MLH3: variants seen among roughly 807,000 people sequenced by gnomAD.
The protein encoded by MLH3 is DNA mismatch repair protein Mlh3.
Under a neutral mutation model 122.2 loss-of-function variants are expected in MLH3, and 82 were observed. That is an observed-to-expected ratio of 0.67 (90% CI 0.56 to 0.81). The LOEUF is 0.81. MLH3 is among the 30% of genes least tolerant of loss of function. The pLI is 0.00. For synonymous variants in MLH3, 524 were observed against 599.5 expected (o/e 0.87, Z 1.84); for missense variants, 1,539 against 1,714.5 (o/e 0.90, Z 1.81).
intron 2 of MLH3, among the ~76,000 whole-genome samples, chr14:75,042,855 A>G (rs1891961591): frequency 6.6e-6 from 1 of 150,668 alleles, no homozygotes; most frequent in African/African-American, 2.4e-5. Flanking sequence ...GGCTTACTGC[A>G]ACTTCCGCCT....
intron 12 of MLH3, 149 bp from the exon 13 acceptor site, chr14:75,017,350 A>C (rs1595019724): frequency 2.8e-6 from 2 of 715,914 alleles, no homozygotes; most frequent in East Asian, 6.3e-5. Flanking sequence ...CAGCCTGGCC[A>C]ATATGGTGAA....
At chr14:75,050,548 C>G (rs1007848249) in intron 1 of MLH3, among the ~76,000 whole-genome samples, 2 of 152,038 alleles carry the variant, frequency 1.3e-5, no homozygotes, top group Non-Finnish European at 2.9e-5. Flanking sequence ...TACAGGCGCT[C>G]GCCACCATGC....
At chr14:75,033,282 G>T in intron 7 of MLH3, 137 bp downstream of exon 7, 1 of 733,054 alleles carries the variant, frequency 1.4e-6, no homozygotes, top group Non-Finnish European at 2.4e-6. Context: ...AGGCCAAACT[G>T]CAGGACTTTA....
In MLH3 at chr14:75,018,862, T is replaced by C. The variant is rs1890075663; in HGVS notation, c.4209A>G (p.Leu1403=). The C allele has an allele frequency of 6.2e-7, 1 of 1,614,216 alleles. No individual in the cohort carries two copies. Among genetic ancestry groups the C allele is most frequent in the Non-Finnish European group, 8.5e-7 (1 of 1,180,036 alleles). Residue 1403 remains leucine, a synonymous_variant, in exon 12 of 13, where the codon TTA becomes TTG. Transcript: ENST00000355774. Reference sequence around the variant, plus strand: ...CCTGTTCCAAGTGGTCTATGTCAGCTAACGGCAGCATAGAAGGTCTCCCGT... The same window carrying C: ...CCTGTTCCAAGTGGTCTATGTCAGCCAACGGCAGCATAGAAGGTCTCCCGT... ...CAHGRPSMLP[L]ADIDHLEQEK... is the part of the protein sequence containing the mutation.
intron 2 of MLH3, among the ~76,000 whole-genome samples, chr14:75,045,095 C>T (rs1404968216): frequency 6.6e-6 from 1 of 152,148 alleles, no homozygotes; most frequent in Non-Finnish European, 1.5e-5. Context: ...TTTGGGAGGC[C>T]GAGGCAGGTG....
chr14:75,020,009 T>C (rs568096980), intron 11 of MLH3, among the ~76,000 whole-genome samples: 44 of 152,300 alleles, frequency 2.9e-4, no homozygotes, highest in African/African-American at 1.1e-3. Flanking sequence ...TTTAGGAGCT[T>C]AAGGAAGGCT....
chr14:75,046,453 A>T lies in MLH3; in HGVS notation c.3203T>A (p.Ile1068Asn). Reference protein sequence around the residue: ...VNKMTGLSTFIAPTEDIQAAC... With the variant: ...VNKMTGLSTFNAPTEDIQAAC... ...AGCCTGAATGTCCTCAGTTGGGGCA[A>T]TGAATGTGCTGAGTCCAGTCATTTT... Residue 1068 changes from isoleucine to asparagine, a missense_variant, in exon 2 of 13, where the codon ATT becomes AAT. Physicochemically the swap from Ile to Asn is moderately radical, Grantham distance 149. Transcript: ENST00000355774. 1 of 1,614,192 alleles carries T rather than the reference A, an allele frequency of 6.2e-7. No homozygotes were observed. The highest frequency in any genetic ancestry group is 8.5e-7 in the Non-Finnish European group (1 of 1,180,024).
At position 75,047,987 on chromosome 14, in the gene MLH3, C is replaced by T. The variant is rs1347649293; in HGVS notation, c.1669G>A (p.Ala557Thr). ...AGAGGCTGGCATCCCACTTCAGTAG[C>T]ATCTTTAAATCTCTTTGGTTGATTC... The part of the protein sequence containing the change: ...IQNQPKRFKD[A>T]TEVGCQPLPF... Residue 557 changes from alanine (A) to threonine (T), a missense_variant, in exon 2 of 13, where the codon GCT becomes ACT. Physicochemically the swap from Ala to Thr is moderately conservative, Grantham distance 58. Coordinates refer to ENST00000355774, the MANE Select transcript of MLH3 (RefSeq NM_001040108.2). 14 of 1,614,020 alleles carry T rather than the reference C, an allele frequency of 8.7e-6. No individual in the cohort carries two copies. The highest frequency in any genetic ancestry group is 1.2e-5 in the Non-Finnish European group (14 of 1,180,032).
chr14:75,015,901 A>C lies in MLH3; in HGVS notation c.*1181T>G, dbSNP rs1320367622. On this transcript the variant is annotated 3_prime_UTR_variant, in exon 13 of 13. Transcript: ENST00000355774. The stretch of plus-strand genomic sequence containing the variant: ...TGAGGAAAATCATTCAATTGATATA[A>C]AAGCCACTTTGAGCAGGCTGGTCAG... 1.7e-5 allele frequency: 4 copies of C among 230,934 alleles called. No homozygotes were observed. The highest frequency in any genetic ancestry group is 1.7e-4 in the Admixed American group (3 of 17,712). The allele number at this position is 230,934 out of a possible 1,614,324, so 14.3% of individuals were successfully genotyped here.
At position 75,032,135 on chromosome 14, in the gene MLH3, ATT is replaced by A; in HGVS notation, c.3758_3759del (p.Lys1253IlefsTer35). ...KQQAQGSGRK[K>X]LLSSTLIPPL... The stretch of plus-strand genomic sequence containing the variant: ...GGAGGAATTAGAGTAGAAGACAGTA[ATT>A]TTTTCCGACCAGAGCCTTGTGCCTG... On this transcript the variant is annotated frameshift_variant, in exon 8 of 13. Transcript: ENST00000355774. LOFTEE classifies it high-confidence loss of function. 3.7e-6 allele frequency: 6 copies of A among 1,613,988 alleles called. No individual in the cohort carries two copies. Among genetic ancestry groups the A allele is most frequent in the Non-Finnish European group, 5.1e-6 (6 of 1,179,908 alleles).
At chr14:75,017,681 T>G (rs1232760581) in intron 12 of MLH3, among the ~76,000 whole-genome samples, 1 of 152,256 alleles carries the variant, frequency 6.6e-6, no homozygotes, top group African/African-American at 2.4e-5. Flanking sequence ...GAACTTTAAG[T>G]CTAGATTCCC....
In MLH3 at chr14:75,032,971, C is replaced by A. The variant is rs575486126; in HGVS notation, c.3715+448G>T. Among the ~76,000 whole-genome samples, 21 of 150,848 alleles carry A rather than the reference C, an allele frequency of 1.4e-4. No homozygotes were observed. The South Asian group carries it at 3.0e-3, about 21-fold the overall frequency. On this transcript the variant is annotated intron_variant, in intron 7 of 12. Coordinates refer to ENST00000355774, the MANE Select transcript of MLH3 (RefSeq NM_001040108.2). ...AGACTTTATTATATTCCCTTTTGTG[C>A]CTTTCAGAATTGGATCTATTTGATT...
At chr14:75,032,291 A>C in intron 7 of MLH3, 112 bp from the exon 8 acceptor site, 1 of 743,940 alleles carries the variant, frequency 1.3e-6, no homozygotes, top group Non-Finnish European at 2.4e-6. Context: ...AGAATGTTTA[A>C]TGTTCAGTTT....
chr14:75,028,446 C>T (rs1303321622), intron 9 of MLH3, among the ~76,000 whole-genome samples: 1 of 136,102 alleles, frequency 7.3e-6, no homozygotes, highest in East Asian at 2.1e-4. Flanking sequence ...GAGACGGAGT[C>T]TTACTGTGTC....
At position 75,046,898 on chromosome 14, in the gene MLH3, A is replaced by G. The variant is rs774708269; in HGVS notation, c.2758T>C (p.Cys920Arg). 5 of 1,613,952 alleles carry G rather than the reference A, an allele frequency of 3.1e-6. No homozygotes were observed. In the Admixed American group the frequency reaches 8.3e-5, roughly 27 times the overall value. The change falls in exon 2 of 13, where the codon TGT becomes CGT. Residue 920 changes from cysteine (C) to arginine (R), a missense_variant. Coordinates refer to ENST00000355774, the MANE Select transcript of MLH3 (RefSeq NM_001040108.2). ...KLCSVLTQDF[C>R]MLFNNKHEKT... ...TCATGCTTGTTGTTAAATAACATAC[A>G]AAAATCTTGTGTTAACACACTGCAC...
intron 9 of MLH3, 143 bp from the exon 10 acceptor site, chr14:75,023,161 T>C (rs1890403037): frequency 1.1e-6 from 1 of 934,924 alleles, no homozygotes; most frequent in African/African-American, 1.7e-5. Flanking sequence ...TGGGTACAAA[T>C]TTATTTGTTG....
In MLH3 at chr14:75,042,422, C is replaced by T. The variant is rs762298048; in HGVS notation, c.3336G>A (p.Pro1112=). The T allele has an allele frequency of 1.9e-5, 31 of 1,613,982 alleles. No individual in the cohort carries two copies. Among genetic ancestry groups the T allele is most frequent in the African/African-American group, 1.3e-4 (10 of 74,908 alleles). ...TCACAGTCCTCTCTGCTCGAGCTCT[C>T]GGAAGGAAAGGAAGAACAAGGTCGC... ...FRSDLVLPFL[P]RARAERTVMR... The change falls in exon 3 of 13, where the codon CCG becomes CCA. Residue 1112 remains proline, a synonymous_variant. Transcript: ENST00000355774.
chr14:75,016,784 C>A lies in MLH3; in HGVS notation c.*298G>T. On this transcript the variant is annotated 3_prime_UTR_variant, in exon 13 of 13. Transcript: ENST00000355774. Reference sequence around the variant, plus strand: ...TCAAATAACAAACCAAGCAACCAATCAAACTGTCATTAAATTTTATCATTA... The same window carrying A: ...TCAAATAACAAACCAAGCAACCAATAAAACTGTCATTAAATTTTATCATTA... The A allele has an allele frequency of 3.1e-6, 1 of 327,852 alleles. No homozygotes were observed. The highest frequency in any genetic ancestry group is 3.4e-5 in the South Asian group (1 of 29,502). The allele number at this position is 327,852 out of a possible 1,614,324, so 20.3% of individuals were successfully genotyped here.
In MLH3 at chr14:75,016,720, G is replaced by A; in HGVS notation, c.*362C>T. 1.5e-5 allele frequency: 5 copies of A among 340,244 alleles called. 1 individual carries two copies. The highest frequency in any genetic ancestry group is 2.8e-5 in the Non-Finnish European group (5 of 176,740). 21.1% of individuals were successfully genotyped at this position (340,244 alleles called of 1,614,324 possible). A position where few individuals can be genotyped will look rare whatever the true frequency, so the allele number is the denominator to read the frequency against. On this transcript the variant is annotated 3_prime_UTR_variant, in exon 13 of 13. Transcript: ENST00000355774. The stretch of plus-strand genomic sequence containing the variant: ...TGAATTAGATACACGCAAATGTGAA[G>A]CTTGAAAAAAAACTGTACAAAAACA...
Sources: gnomAD v4.1 joint callset for allele counts (sites outside exome capture counted in the v4.1 genomes callset) on GRCh38, gnomAD v4.1.1 for gene constraint, MANE v1.5 for transcripts, NCBI Gene and HGNC (gene_info 2026-07-23, HGNC 2026-07-21) for gene names.